ZNF708: variants seen among roughly 807,000 people sequenced by gnomAD.
ZNF708 encodes the protein zinc finger protein 708, also known as ZNF15, ZNF15L1.
Under a neutral mutation model 47.0 loss-of-function variants are expected in ZNF708, and 44 were observed. The observed-to-expected ratio is 0.94, with a 90% CI of 0.74 to 1.20. The LOEUF (loss-of-function observed/expected upper bound fraction) is 1.20. ZNF708 is among the 50% of genes most tolerant of loss of function. ZNF708 has a pLI of 0.00. For synonymous variants in ZNF708, 184 were observed against 218.5 expected, an observed-to-expected ratio of 0.84 and a Z score of 1.39; for missense variants, 557 against 656.0, an observed-to-expected ratio of 0.85 and a Z score of 1.65.
intron 3 of ZNF708, among the ~76,000 whole-genome samples, chr19:21,296,606 C>G (rs1296407926): frequency 6.6e-6 from 1 of 152,046 alleles, no homozygotes; most frequent in Non-Finnish European, 1.5e-5. Context: ...ACTTCATATG[C>G]CCTACATACC....
rs2145141874 is a variant in ZNF708, at chr19:21,292,566, C to T, written c.*708G>A. 1 of 152,122 alleles carries T rather than the reference C, an allele frequency of 6.6e-6. No homozygotes were observed. Among genetic ancestry groups the T allele is most frequent in the African/African-American group, 2.4e-5 (1 of 41,482 alleles). The allele number at this position is 152,122 out of a possible 1,614,324, so 9.4% of individuals were successfully genotyped here. A position where few individuals can be genotyped will look rare whatever the true frequency, so the allele number is the denominator to read the frequency against. ...TTAAGTAACTGCTTCAGGGTTTTCT[C>T]TAGTACAAAATGTGTACAATAAGAT... On this transcript the variant is annotated 3_prime_UTR_variant, in exon 4 of 4. Coordinates refer to ENST00000356929, the MANE Select transcript of ZNF708 (RefSeq NM_021269.3).
At chr19:21,307,621 C>T (rs1290746506) in intron 3 of ZNF708, among the ~76,000 whole-genome samples, 1 of 148,778 alleles carries the variant, frequency 6.7e-6, no homozygotes, top group Non-Finnish European at 1.5e-5. Flanking sequence ...GACTCAGTTT[C>T]GGAAAAAAAA....
chr19:21,325,413 ATACT>A (rs2145190558), intron 1 of ZNF708, among the ~76,000 whole-genome samples: 1 of 152,306 alleles, frequency 6.6e-6, no homozygotes, highest in South Asian at 2.1e-4. Flanking sequence ...ATAAACCCAA[ATACT>A]TACAGCCAAC....
In ZNF708 at chr19:21,292,045, G is replaced by A. The variant is rs1408113735; in HGVS notation, c.*1229C>T. 1 of 151,988 alleles carries A rather than the reference G, an allele frequency of 6.6e-6. No homozygotes were observed. Among genetic ancestry groups the A allele is most frequent in the African/African-American group, 2.4e-5 (1 of 41,392 alleles). The allele number at this position is 151,988 out of a possible 1,614,324, so 9.4% of individuals were successfully genotyped here. ...GAAGCATCCATACCTTAGTTTGTTT[G>A]TTTTTGAGATGGAGTCTCACTCTGT... On this transcript the variant is annotated 3_prime_UTR_variant, in exon 4 of 4. Coordinates refer to ENST00000356929, the MANE Select transcript of ZNF708 (RefSeq NM_021269.3).
Position 21,293,292 on chromosome 19 carries a change from T to C in ZNF708, c.1674A>G (p.Lys558=). Reference sequence around the variant, plus strand: ...TGACACATTATTTACATTTGTAGGGTTTCTCTTTGGTATGAATTCTCTTAT... The same window carrying C: ...TGACACATTATTTACATTTGTAGGGCTTCTCTTTGGTATGAATTCTCTTAT... ...TKHKRIHTKE[K]PYKCK is the part of the protein sequence containing the mutation. The change falls in exon 4 of 4, where the codon AAA becomes AAG. Residue 558 remains lysine, a synonymous_variant. Coordinates refer to ENST00000356929, the MANE Select transcript of ZNF708 (RefSeq NM_021269.3). The C allele has an allele frequency of 6.2e-7, 1 of 1,607,316 alleles. No homozygotes were observed. The highest frequency in any genetic ancestry group is 1.1e-5 in the South Asian group (1 of 90,128).
At chr19:21,328,051 T>C (rs774949509) in intron 1 of ZNF708, 17 of 985,686 alleles carry the variant, frequency 1.7e-5, no homozygotes, top group Non-Finnish European at 1.9e-5. Context: ...CTTGGTTTAC[T>C]CCAGACAGTA....
Position 21,293,750 on chromosome 19 carries a change from T to G in ZNF708, c.1216A>C (p.Thr406Pro), listed in dbSNP as rs754334293. 10 of 1,613,000 alleles carry G rather than the reference T, an allele frequency of 6.2e-6. No individual in the cohort carries two copies. The highest frequency in any genetic ancestry group is 1.6e-4 in the Middle Eastern group (1 of 6,076). ...TGAATTACCTTATGATAAGTAAGAG[T>G]TGAGGACTTGGTAAAGGCTTTACCA... ...ECGKAFTKSS[T>P]LTYHKVIHTG... Residue 406 changes from threonine to proline, a missense_variant, in exon 4 of 4, where the codon ACT becomes CCT. By Grantham distance (38) the Thr-to-Pro change is conservative. Coordinates refer to ENST00000356929, the MANE Select transcript of ZNF708 (RefSeq NM_021269.3).
At chr19:21,319,954 T>C (rs1599688595) in intron 1 of ZNF708, among the ~76,000 whole-genome samples, 1 of 152,108 alleles carries the variant, frequency 6.6e-6, no homozygotes, top group Admixed American at 6.5e-5. Context: ...GGCAGGCAGA[T>C]GACCTGAGGT....
chr19:21,316,880 A>T (rs551792501), intron 1 of ZNF708, among the ~76,000 whole-genome samples: 1 of 150,550 alleles, frequency 6.6e-6, no homozygotes, highest in Admixed American at 6.6e-5. Flanking sequence ...TCTGCCTCCC[A>T]GGTTCAAGTG....
rs775635542 is a variant in ZNF708 at position 21,293,617 on chromosome 19, C to G, written c.1349G>C (p.Cys450Ser). The change falls in exon 4 of 4, where the codon TGT becomes TCT. Residue 450 changes from cysteine to serine, a missense_variant. Physicochemically the swap from Cys to Ser is moderately radical, Grantham distance 112. Transcript: ENST00000356929. ...VIHTEDKPYK[C>S]EECGKTFNYS... is the part of the protein sequence containing the mutation. Reference sequence around the variant, plus strand: ...GTTAAAAGTTTTGCCACATTCTTCACATTTGTAGGGTTTGTCTTCAGTATG... The same window carrying G: ...GTTAAAAGTTTTGCCACATTCTTCAGATTTGTAGGGTTTGTCTTCAGTATG... The G allele has an allele frequency of 9.9e-6, 16 of 1,612,396 alleles. No individual in the cohort carries two copies. In the East Asian group the frequency reaches 2.9e-4, roughly 29 times the overall value.
At chr19:21,327,893 G>C (rs1326152210) in intron 1 of ZNF708, 1 of 553,008 alleles carries the variant, frequency 1.8e-6, no homozygotes, top group Non-Finnish European at 2.4e-6. Context: ...CAAAGGAAGA[G>C]TATGCCAGGA....
intron 3 of ZNF708, among the ~76,000 whole-genome samples, chr19:21,307,240 G>C (rs985351786): frequency 1.3e-5 from 2 of 151,642 alleles, no homozygotes; most frequent in African/African-American, 2.4e-5. Flanking sequence ...CCAACTAAAG[G>C]TGGACCCCAG....
chr19:21,310,949 T>A (rs1972887072), intron 1 of ZNF708, among the ~76,000 whole-genome samples: 1 of 152,220 alleles, frequency 6.6e-6, no homozygotes, highest in African/African-American at 2.4e-5. Context: ...CTTGTGTATA[T>A]TTTTCAGATG....
At position 21,294,225 on chromosome 19, in the gene ZNF708, A is replaced by T. The variant is rs563026107; in HGVS notation, c.741T>A (p.Thr247=). The part of the protein sequence containing the change: ...STLTRHKIIH[T]GEKLYKCEEC... ...CTTCACATTTGTAGAGTTTCTCTCCAGTATGAATTATCTTATGTCTAGTAA... is the reference window on the plus strand; with the variant it reads ...CTTCACATTTGTAGAGTTTCTCTCCTGTATGAATTATCTTATGTCTAGTAA... The change falls in exon 4 of 4, where the codon ACT becomes ACA. Residue 247 remains threonine (T), a synonymous_variant. Transcript: ENST00000356929. 5.0e-6 allele frequency: 8 copies of T among 1,612,938 alleles called. No homozygotes were observed. The highest frequency in any genetic ancestry group is 5.9e-6 in the Non-Finnish European group (7 of 1,179,940).
intron 1 of ZNF708, among the ~76,000 whole-genome samples, chr19:21,328,638 G>A (rs879312577): frequency 2.0e-5 from 3 of 152,144 alleles, no homozygotes; most frequent in Admixed American, 6.5e-5. Flanking sequence ...CAACAGCTAC[G>A]TAAATGTACC....
chr19:21,296,350 A>G (rs1379307777), intron 3 of ZNF708, among the ~76,000 whole-genome samples: 2 of 151,966 alleles, frequency 1.3e-5, no homozygotes, highest in East Asian at 3.9e-4. Flanking sequence ...AAAATATAAA[A>G]AATTAGCCGG....
intron 1 of ZNF708, among the ~76,000 whole-genome samples, chr19:21,322,377 T>C (rs941225491): frequency 3.3e-5 from 5 of 151,742 alleles, no homozygotes; most frequent in African/African-American, 9.7e-5. Context: ...TCTTGGCTCA[T>C]TGCAACCTCT....
intron 2 of ZNF708, among the ~76,000 whole-genome samples, chr19:21,310,147 T>G (rs1171446410): frequency 6.6e-6 from 1 of 152,032 alleles, no homozygotes; most frequent in African/African-American, 2.4e-5. Context: ...GAATTGTATA[T>G]TAAAGTTATC....
At chr19:21,327,219 T>C (rs1973275174) in intron 1 of ZNF708, among the ~76,000 whole-genome samples, 1 of 152,004 alleles carries the variant, frequency 6.6e-6, no homozygotes, top group Non-Finnish European at 1.5e-5. Flanking sequence ...CAGGGAGTGG[T>C]AGTGCTAATT....
Sources: allele counts gnomAD v4.1 joint callset (sites outside exome capture counted in the v4.1 genomes callset), GRCh38; gene constraint gnomAD v4.1.1; transcripts MANE v1.5; gene names NCBI Gene and HGNC (gene_info 2026-07-23, HGNC 2026-07-21).